The following GSAP variants were observed in gnomAD, a reference collection of about 807,000 sequenced individuals.
GSAP encodes the protein gamma-secretase activating protein, also known as gamma-secretase-activating protein.
A neutral mutation model predicts 131.7 loss-of-function variants in GSAP; 118 were observed. That is an observed-to-expected ratio of 0.90 (90% CI 0.77 to 1.04). The LOEUF (loss-of-function observed/expected upper bound fraction) is 1.04, where lower values mean the gene tolerates loss of function less well. Among genes scored for constraint, GSAP ranks in the 50% least tolerant of loss-of-function variants. GSAP has a pLI of 0.00. For synonymous variants in GSAP, 381 were observed against 363.4 expected (o/e 1.05, Z -0.55); for missense variants, 1,019 against 1,013.2 (o/e 1.01, Z -0.08).
At chr7:77,314,741 G>C (rs1794787253) in intron 26 of GSAP, 1 of 352,172 alleles carries the variant, frequency 2.8e-6, no homozygotes, top group Non-Finnish European at 5.3e-6. Context: ...CAGAAACAGA[G>C]CAAGGGCCTG....
intron 5 of GSAP, among the ~76,000 whole-genome samples, chr7:77,388,928 A>G (rs1563094649): frequency 6.6e-6 from 1 of 152,200 alleles, no homozygotes; most frequent in Non-Finnish European, 1.5e-5. Flanking sequence ...TGGAAATCCA[A>G]TGTTTGGTAA....
chr7:77,372,506 T>C (rs1404669865), intron 12 of GSAP, among the ~76,000 whole-genome samples: 1 of 152,200 alleles, frequency 6.6e-6, no homozygotes, highest in East Asian at 1.9e-4. Flanking sequence ...TAGAAGAGTG[T>C]CCTTAATCAA....
chr7:77,330,318 T>C lies in GSAP; in HGVS notation c.1595A>G (p.Tyr532Cys). The change falls in exon 20 of 31, where the codon TAT becomes TGT. Residue 532 changes from tyrosine to cysteine, a missense_variant. Physicochemically the swap from Tyr to Cys is radical, Grantham distance 194. Transcript: ENST00000257626. Reference sequence around the variant, plus strand: ...GAAGTGTGGCTTGGCGTACTTAACATATTCTAGGTTGGAGTTCAGTTTTTC... The same window carrying C: ...GAAGTGTGGCTTGGCGTACTTAACACATTCTAGGTTGGAGTTCAGTTTTTC... ...YWEKLNSNLE[Y>C]VKYAKPHFHY... 6.2e-7 allele frequency: 1 copy of C among 1,613,962 alleles called. No individual in the cohort carries two copies. Among genetic ancestry groups the C allele is most frequent in the Non-Finnish European group, 8.5e-7 (1 of 1,179,896 alleles).
At chr7:77,363,918 A>T in intron 12 of GSAP, among the ~76,000 whole-genome samples, 1 of 151,830 alleles carries the variant, frequency 6.6e-6, no homozygotes, top group East Asian at 1.9e-4. Flanking sequence ...ACAAAATAAT[A>T]ATTATAAGAG....
chr7:77,411,330 C>G (rs1421484725), intron 1 of GSAP, among the ~76,000 whole-genome samples: 1 of 152,154 alleles, frequency 6.6e-6, no homozygotes, highest in Non-Finnish European at 1.5e-5. Context: ...TACATCCTTT[C>G]CAGTCTTAAA....
At chr7:77,344,647 T>A (rs977885057) in intron 19 of GSAP, among the ~76,000 whole-genome samples, 1 of 152,376 alleles carries the variant, frequency 6.6e-6, no homozygotes, top group Non-Finnish European at 1.5e-5. Flanking sequence ...CTCCTGGTGC[T>A]ATCCCCAACT....
chr7:77,330,554 C>T, intron 19 of GSAP, 187 bp from the exon 20 acceptor site: 2 of 1,155,524 alleles, frequency 1.7e-6, no homozygotes, highest in Non-Finnish European at 2.1e-6. Flanking sequence ...ATCTTCTTTA[C>T]CCACTTCATT....
At chr7:77,340,418 C>A (rs1187516856) in intron 19 of GSAP, among the ~76,000 whole-genome samples, 1 of 152,170 alleles carries the variant, frequency 6.6e-6, no homozygotes, top group Non-Finnish European at 1.5e-5. Context: ...GAGACCGGTC[C>A]CCTGTGCTTG....
chr7:77,331,098 A>G (rs56333367), intron 19 of GSAP, among the ~76,000 whole-genome samples: 27,518 of 152,068 alleles, frequency 0.18, 3,423 homozygotes, highest in East Asian at 0.44. Context: ...CGGATCACGA[A>G]GTCAGGAGAT....
chr7:77,318,758 A>G (rs80257224), intron 26 of GSAP, among the ~76,000 whole-genome samples: 13,858 of 152,176 alleles, frequency 0.091, 780 homozygotes, highest in Non-Finnish European at 0.11. Context: ...AAAACCCCTA[A>G]AAGAAACATA....
rs549184294 is a variant in GSAP, at chr7:77,355,002, G to A, written c.1338+211C>T. Among the ~76,000 whole-genome samples, 215 of 152,186 alleles carry A rather than the reference G, an allele frequency of 1.4e-3. 2 individuals are homozygous for A. The highest frequency in any genetic ancestry group is 4.9e-3 in the African/African-American group (205 of 41,512). On this transcript the variant is annotated intron_variant, in intron 16 of 30. Coordinates refer to ENST00000257626, the MANE Select transcript of GSAP (RefSeq NM_017439.4). Reference sequence around the variant, plus strand: ...AACTTTTATTCCCAATATGGAAAAGGGGGTACCCAAAAGAACAGAAACACC... The same window carrying A: ...AACTTTTATTCCCAATATGGAAAAGAGGGTACCCAAAAGAACAGAAACACC...
chr7:77,413,484 T>C (rs1170210187), intron 1 of GSAP, among the ~76,000 whole-genome samples: 3 of 152,222 alleles, frequency 2.0e-5, no homozygotes, highest in Admixed American at 6.5e-5. Flanking sequence ...TGCATCTCCA[T>C]GTCCACCATC....
intron 1 of GSAP, chr7:77,415,933 C>A: frequency 2.8e-6 from 1 of 355,208 alleles, no homozygotes; most frequent in Admixed American, 4.9e-5. Context: ...CCGCCAGCGG[C>A]CCGGCCCCTC....
At chr7:77,318,205 C>A (rs1468745972) in intron 26 of GSAP, among the ~76,000 whole-genome samples, 1 of 152,188 alleles carries the variant, frequency 6.6e-6, no homozygotes, top group Non-Finnish European at 1.5e-5. Flanking sequence ...AATTACTCAA[C>A]CTTTCTGGCC....
intron 5 of GSAP, among the ~76,000 whole-genome samples, chr7:77,394,731 G>T (rs181385506): frequency 7.8e-4 from 119 of 152,332 alleles, no homozygotes; most frequent in African/African-American, 2.7e-3. Context: ...TGGAAAGGAA[G>T]ACCATTTATC....
chr7:77,408,271 T>G (rs979934643), intron 1 of GSAP, among the ~76,000 whole-genome samples: 2 of 152,248 alleles, frequency 1.3e-5, no homozygotes, highest in African/African-American at 2.4e-5. Context: ...ATAAGTTAAC[T>G]GACCATCTTT....
chr7:77,352,912 A>G, intron 18 of GSAP, 32 bp downstream of exon 18: 2 of 1,242,804 alleles, frequency 1.6e-6, no homozygotes, highest in South Asian at 2.4e-5. Flanking sequence ...AATTGATTTT[A>G]TTTGCATACA....
intron 14 of GSAP, among the ~76,000 whole-genome samples, chr7:77,359,302 C>CT (rs1241957890): frequency 1.3e-5 from 2 of 152,118 alleles, no homozygotes; most frequent in Non-Finnish European, 2.9e-5. Context: ...GTTTCATTAT[C>CT]TGTAAAATGG....
intron 30 of GSAP, 106 bp from the exon 31 acceptor site, chr7:77,311,555 A>C: frequency 1.6e-6 from 1 of 631,616 alleles, no homozygotes; most frequent in Non-Finnish European, 2.8e-6. Flanking sequence ...GTATTTTAGT[A>C]AAATGAATTT....
Sources: allele counts gnomAD v4.1 joint callset (sites outside exome capture counted in the v4.1 genomes callset), GRCh38; gene constraint gnomAD v4.1.1; transcripts MANE v1.5; gene names NCBI Gene and HGNC (gene_info 2026-07-23, HGNC 2026-07-21).